The following DGKG variants were observed in gnomAD, a reference collection of about 807,000 sequenced individuals.
DGKG encodes DAG kinase gamma.
In DGKG, 78 loss-of-function variants were observed where a neutral mutation model predicts 105.3. That is an observed-to-expected ratio of 0.74 (90% CI 0.62 to 0.89). The LOEUF (loss-of-function observed/expected upper bound fraction) is 0.89, where lower values mean the gene tolerates loss of function less well. DGKG is among the 40% of genes least tolerant of loss of function. The probability of loss-of-function intolerance (pLI) is 0.00; values close to 1 mark genes in which losing one functional copy is unlikely to be tolerated. For missense variants in DGKG, 958 were observed against 1,020.1 expected (o/e 0.94, Z 0.83); for synonymous variants, 346 against 367.1 (o/e 0.94, Z 0.66).
At chr3:186,311,361 A>G (rs558635951) in intron 2 of DGKG, among the ~76,000 whole-genome samples, 6 of 152,330 alleles carry the variant, frequency 3.9e-5, no homozygotes, top group African/African-American at 1.2e-4. Flanking sequence ...TGCTTGGCAG[A>G]CATTATCCAT....
chr3:186,332,860 G>A (rs865779620), intron 1 of DGKG, among the ~76,000 whole-genome samples: 5 of 152,052 alleles, frequency 3.3e-5, no homozygotes, highest in Admixed American at 6.6e-5. Context: ...TCCATTCATG[G>A]ATTAATGGTC....
intron 1 of DGKG, among the ~76,000 whole-genome samples, chr3:186,335,228 C>T (rs1261248626): frequency 6.6e-6 from 1 of 152,032 alleles, no homozygotes; most frequent in Non-Finnish European, 1.5e-5. Context: ...CCTACTACTG[C>T]ACCTGGCTAA....
rs896255007 is a variant in DGKG at position 186,320,589 on chromosome 3, C to G, written c.-130G>C. 1.3e-5 allele frequency: 19 copies of G among 1,513,432 alleles called. No homozygotes were observed. Among genetic ancestry groups the G allele is most frequent in the Non-Finnish European group, 1.7e-5 (19 of 1,120,890 alleles). 93.8% of individuals were successfully genotyped at this position (1,513,432 alleles called of 1,614,324 possible). On this transcript the variant is annotated 5_prime_UTR_variant, in exon 2 of 25. Transcript: ENST00000265022. The stretch of plus-strand genomic sequence containing the variant: ...AAGCCTTTCAGGAGACTTCTGGGAG[C>G]ACTCAAGTGTATACAGCAGCAGCAG...
chr3:186,275,428 A>G, intron 10 of DGKG, 119 bp downstream of exon 10: 2 of 854,200 alleles, frequency 2.3e-6, no homozygotes, highest in South Asian at 3.1e-5. Context: ...TTGGGACAAT[A>G]TGGGTGGTCC....
chr3:186,153,984 C>T (rs1401841726), intron 24 of DGKG, among the ~76,000 whole-genome samples: 1 of 152,124 alleles, frequency 6.6e-6, no homozygotes, highest in Non-Finnish European at 1.5e-5. Flanking sequence ...GCGCCCTTAG[C>T]TACTTGGAAG....
Position 186,252,068 on chromosome 3 carries a change from C to A in DGKG, c.1601-149G>T. On this transcript the variant is annotated intron_variant, in intron 18 of 24. Transcript: ENST00000265022. The stretch of plus-strand genomic sequence containing the variant: ...GTGGGCTAGAGACACTTACGTTCCC[C>A]GAGCCACAGAGAAGGGCAGGATAAC... The A allele has an allele frequency of 1.2e-5, 8 of 662,348 alleles. 1 individual carries two copies. The highest frequency in any genetic ancestry group is 1.6e-5 in the Non-Finnish European group (7 of 429,168). 41.0% of individuals were successfully genotyped at this position (662,348 alleles called of 1,614,324 possible).
chr3:186,154,766 G>A (rs1042505342), intron 24 of DGKG, among the ~76,000 whole-genome samples: 2 of 152,048 alleles, frequency 1.3e-5, no homozygotes, highest in African/African-American at 2.4e-5. Context: ...GTTCAACTAC[G>A]TCATTAGTTC....
At position 186,285,693 on chromosome 3, in the gene DGKG, T is replaced by TC. The variant is rs1723030957; in HGVS notation, c.545-985_545-984insG. On this transcript the variant is annotated intron_variant, in intron 6 of 24. Coordinates refer to ENST00000265022, the MANE Select transcript of DGKG (RefSeq NM_001346.3). Reference sequence around the variant, plus strand: ...TTTCTTTCTTTCTTTTTTTTTTTTTTTTTGAGACAGAGTTTCACTCTTGTC... The same window carrying TC: ...TTTCTTTCTTTCTTTTTTTTTTTTTTCTTTGAGACAGAGTTTCACTCTTGTC... 2.0e-5 allele frequency among the ~76,000 whole-genome samples: 3 copies of TC among 151,266 alleles called. No individual in the cohort carries two copies. The South Asian group carries it at 6.3e-4, about 32-fold the overall frequency.
intron 20 of DGKG, among the ~76,000 whole-genome samples, chr3:186,222,132 G>GCTGGCTGAT (rs1445099678): frequency 6.6e-6 from 1 of 152,194 alleles, no homozygotes; most frequent in Admixed American, 6.5e-5. Flanking sequence ...GGGGATGCAG[G>GCTGGCTGAT]CTGGCTGATC....
At chr3:186,168,421 AT>A (rs1179437349) in intron 22 of DGKG, among the ~76,000 whole-genome samples, 1 of 152,222 alleles carries the variant, frequency 6.6e-6, no homozygotes, top group African/African-American at 2.4e-5. Flanking sequence ...AAAAAGGAGA[AT>A]GTGGAGGCAA....
chr3:186,345,267 C>T lies in DGKG; in HGVS notation c.-249+16679G>A, dbSNP rs577954069. Among the ~76,000 whole-genome samples the T allele has an allele frequency of 2.3e-3, 357 of 152,226 alleles. 1 individual carries two copies. The highest frequency in any genetic ancestry group is 4.1e-3 in the Non-Finnish European group (279 of 68,008). ...CCTTTTCTCAGTGTTTTAATTTTTG[C>T]ACAACACTTTGTTTTAAGGGTTCCT... On this transcript the variant is annotated intron_variant, in intron 1 of 24. Coordinates refer to ENST00000265022, the MANE Select transcript of DGKG (RefSeq NM_001346.3).
rs1187978922 is a variant in DGKG at position 186,211,858 on chromosome 3, T to C, written c.1854A>G (p.Glu618=). The C allele has an allele frequency of 3.1e-6, 5 of 1,614,146 alleles. No homozygotes were observed. Among genetic ancestry groups the C allele is most frequent in the Admixed American group, 1.7e-5 (1 of 60,026 alleles). ...CTGCAAAAGTCTCCGAGGTGCCAAA[T>C]TCAAAGTACCACAGCTTGTTCTTCA... is the stretch of plus-strand genomic sequence containing the variant. ...SRMKNKLWYF[E]FGTSETFAAT... is the part of the protein sequence containing the mutation. Residue 618 remains glutamate (E), a synonymous_variant, in exon 21 of 25, where the codon GAA becomes GAG. Transcript: ENST00000265022.
chr3:186,330,997 C>T (rs1026530868), intron 1 of DGKG, among the ~76,000 whole-genome samples: 2 of 152,194 alleles, frequency 1.3e-5, no homozygotes, highest in African/African-American at 4.8e-5. Context: ...ACAGAATCTG[C>T]ATGATTCATG....
intron 20 of DGKG, among the ~76,000 whole-genome samples, chr3:186,219,747 A>T (rs1719471949): frequency 6.6e-6 from 1 of 152,182 alleles, no homozygotes; most frequent in African/African-American, 2.4e-5. Context: ...GGGCTCAGAA[A>T]AAAAAAGGCT....
At position 186,147,495 on chromosome 3, in the gene DGKG, C is replaced by T. The variant is rs1715559136; in HGVS notation, c.*2595G>A. 1.0e-6 allele frequency: 1 copy of T among 985,368 alleles called. No homozygotes were observed. Among genetic ancestry groups the T allele is most frequent in the African/African-American group, 1.7e-5 (1 of 57,334 alleles). 61.0% of individuals were successfully genotyped at this position (985,368 alleles called of 1,614,324 possible). ...AGTGTTTAAAGGATGATTTGCAAGG[C>T]ACGATTAAACAACAACACAAGATTT... On this transcript the variant is annotated 3_prime_UTR_variant, in exon 25 of 25. Coordinates refer to ENST00000265022, the MANE Select transcript of DGKG (RefSeq NM_001346.3).
chr3:186,243,422 C>T (rs945348190), intron 19 of DGKG, among the ~76,000 whole-genome samples: 7 of 152,078 alleles, frequency 4.6e-5, no homozygotes, highest in African/African-American at 1.7e-4. Flanking sequence ...CTGACCACAA[C>T]TCCCTAACCC....
Position 186,220,137 on chromosome 3 carries a change from G to A in DGKG, c.1827-8252C>T, listed in dbSNP as rs112679387. Among the ~76,000 whole-genome samples, 1,301 of 152,322 alleles carry A rather than the reference G, an allele frequency of 8.5e-3. 22 individuals carry two copies. The highest frequency in any genetic ancestry group is 0.029 in the African/African-American group (1,217 of 41,554). On this transcript the variant is annotated intron_variant, in intron 20 of 24. Transcript: ENST00000265022. ...TATCAGTTACTGCTTGGTAACCAGA[G>A]ACACGGATTGAATGGCAATTGAATC...
At position 186,219,096 on chromosome 3, in the gene DGKG, C is replaced by T. The variant is rs77970882; in HGVS notation, c.1827-7211G>A. Reference sequence around the variant, plus strand: ...TGTTAACATTTTACATTACTTGAATCTCAAATACCTTTGGAAGCTTAGTGA... The same window carrying T: ...TGTTAACATTTTACATTACTTGAATTTCAAATACCTTTGGAAGCTTAGTGA... On this transcript the variant is annotated intron_variant, in intron 20 of 24. Coordinates refer to ENST00000265022, the MANE Select transcript of DGKG (RefSeq NM_001346.3). 5.4e-3 allele frequency among the ~76,000 whole-genome samples: 806 copies of T among 149,098 alleles called. 5 individuals carry two copies. The highest frequency in any genetic ancestry group is 0.018 in the African/African-American group (722 of 40,422).
chr3:186,355,674 T>C (rs918797397), intron 1 of DGKG, among the ~76,000 whole-genome samples: 10 of 149,774 alleles, frequency 6.7e-5, no homozygotes, highest in South Asian at 2.1e-4. Flanking sequence ...GTCCTACCAC[T>C]ACCATCATTA....
Sources: gnomAD v4.1 joint callset for allele counts (sites outside exome capture counted in the v4.1 genomes callset) on GRCh38, gnomAD v4.1.1 for gene constraint, MANE v1.5 for transcripts, NCBI Gene and HGNC (gene_info 2026-07-23, HGNC 2026-07-21) for gene names.